The following HMG20A variants were observed in gnomAD, a reference collection of about 807,000 sequenced individuals.
HMG20A encodes the protein high mobility group 20A, also known as high mobility group protein 20A.
Under a neutral mutation model 43.9 loss-of-function variants are expected in HMG20A, and 17 were observed. The observed-to-expected ratio is 0.39, with a 90% CI of 0.27 to 0.58. The LOEUF (loss-of-function observed/expected upper bound fraction) is 0.58. Among genes scored for constraint, HMG20A ranks in the 20% least tolerant of loss-of-function variants. The probability of loss-of-function intolerance (pLI) is 0.59; values close to 1 mark genes in which losing one functional copy is unlikely to be tolerated. For missense variants in HMG20A, 341 were observed against 438.2 expected (o/e 0.78, Z 1.98); for synonymous variants, 132 against 147.5 (o/e 0.89, Z 0.76).
chr15:77,423,966 T>TA (rs1438196972), intron 1 of HMG20A, among the ~76,000 whole-genome samples: 1 of 152,210 alleles, frequency 6.6e-6, no homozygotes, highest in Non-Finnish European at 1.5e-5. Flanking sequence ...AGCAAAAGTT[T>TA]AGAGTGTCTA....
chr15:77,479,073 A>G, intron 8 of HMG20A, 106 bp from the exon 9 acceptor site: 1 of 1,027,612 alleles, frequency 9.7e-7, no homozygotes, highest in Non-Finnish European at 1.5e-6. Context: ...AATTAAAAGC[A>G]TGTCTGTGGA....
chr15:77,422,120 G>A (rs1009332700), intron 1 of HMG20A, among the ~76,000 whole-genome samples: 3 of 152,176 alleles, frequency 2.0e-5, no homozygotes, highest in African/African-American at 7.2e-5. Context: ...ACAATACTTA[G>A]AAGGGTGTGT....
At chr15:77,459,506 AG>A (rs1376264737) in intron 2 of HMG20A, among the ~76,000 whole-genome samples, 2 of 152,324 alleles carry the variant, frequency 1.3e-5, no homozygotes, top group African/African-American at 4.8e-5. Context: ...AGTGGAGAAA[AG>A]GGATAGGAAG....
At chr15:77,422,148 A>G (rs550779548) in intron 1 of HMG20A, among the ~76,000 whole-genome samples, 4 of 152,346 alleles carry the variant, frequency 2.6e-5, no homozygotes, top group African/African-American at 9.6e-5. Flanking sequence ...TATTGAAGGA[A>G]TCAATCTATT....
At chr15:77,478,104 T>A (rs1209369826) in intron 7 of HMG20A, 191 bp from the exon 8 acceptor site, 4 of 599,174 alleles carry the variant, frequency 6.7e-6, no homozygotes, top group Non-Finnish European at 8.9e-6. Context: ...GCTTTAAGAA[T>A]TAAAATAGCT....
At chr15:77,502,149 T>G in the HMG20A span, among the ~76,000 whole-genome samples, 1 of 152,216 alleles carries the variant, frequency 6.6e-6, no homozygotes, top group Non-Finnish European at 1.5e-5. Context: ...CAAATATCAG[T>G]GTCTATAAAT....
intron 1 of HMG20A, among the ~76,000 whole-genome samples, chr15:77,453,319 A>G (rs188681652): frequency 3.9e-5 from 6 of 152,348 alleles, no homozygotes; most frequent in East Asian, 1.9e-4. Flanking sequence ...CACAATATGC[A>G]TAAGAAAAAA....
intron 1 of HMG20A, among the ~76,000 whole-genome samples, chr15:77,453,748 G>A (rs991776000): frequency 1.3e-5 from 2 of 152,144 alleles, no homozygotes; most frequent in African/African-American, 2.4e-5. Context: ...CCATAAAGCA[G>A]AATGAAATTC....
At chr15:77,469,142 C>G (rs2072783848) in intron 4 of HMG20A, among the ~76,000 whole-genome samples, 1 of 151,234 alleles carries the variant, frequency 6.6e-6, no homozygotes. Flanking sequence ...CACACAATGT[C>G]CTTTTGTTTC....
downstream of HMG20A, among the ~76,000 whole-genome samples, chr15:77,489,574 T>C (rs56073412): frequency 3.5e-3 from 526 of 152,292 alleles, 3 homozygotes; most frequent in African/African-American, 0.012. Flanking sequence ...CTCTTCCCCT[T>C]GCTGGGGAAA....
intron 1 of HMG20A, among the ~76,000 whole-genome samples, chr15:77,445,087 T>C (rs892729305): frequency 6.6e-6 from 1 of 152,270 alleles, no homozygotes; most frequent in Non-Finnish European, 1.5e-5. Flanking sequence ...TTTCCATTTA[T>C]TACACTATAG....
At chr15:77,463,078 C>T (rs943786065) in intron 2 of HMG20A, among the ~76,000 whole-genome samples, 1 of 152,096 alleles carries the variant, frequency 6.6e-6, no homozygotes, top group East Asian at 1.9e-4. Context: ...AGCCATTCTG[C>T]CTCTTAAGTA....
At chr15:77,480,211 G>C (rs765571146) in intron 9 of HMG20A, among the ~76,000 whole-genome samples, 2 of 152,150 alleles carry the variant, frequency 1.3e-5, no homozygotes, top group Non-Finnish European at 2.9e-5. Flanking sequence ...AGGATCACTT[G>C]GGCTTAGAAG....
At chr15:77,513,868 G>A in the HMG20A span, among the ~76,000 whole-genome samples, 722 of 152,178 alleles carry the variant, frequency 4.7e-3, 5 homozygotes, top group African/African-American at 0.016. Flanking sequence ...TGGGACTACA[G>A]GCATGCGCCA....
intron 1 of HMG20A, among the ~76,000 whole-genome samples, chr15:77,456,634 C>CAAAAAAAAA (rs34114445): frequency 1.0e-5 from 1 of 95,386 alleles, no homozygotes; most frequent in African/African-American, 4.1e-5. Context: ...GCGAGACTGT[C>CAAAAAAAAA]AAAAAAAAAA....
At chr15:77,454,006 CAA>C (rs34166489) in intron 1 of HMG20A, among the ~76,000 whole-genome samples, 3 of 107,776 alleles carry the variant, frequency 2.8e-5, no homozygotes, top group Admixed American at 9.6e-5. Context: ...CCTATCTCTA[CAA>C]AAAAAAAAAA....
intron 1 of HMG20A, among the ~76,000 whole-genome samples, chr15:77,440,911 G>A (rs1401248058): frequency 6.6e-6 from 1 of 152,114 alleles, no homozygotes; most frequent in East Asian, 1.9e-4. Context: ...CTATAAAATA[G>A]GTGCTAATGA....
the HMG20A span, among the ~76,000 whole-genome samples, chr15:77,509,339 G>A: frequency 0.057 from 8,670 of 151,634 alleles, 355 homozygotes; most frequent in Middle Eastern, 0.12. Context: ...CTGCAGCCTC[G>A]ATCTCTCTGG....
chr15:77,478,603 T>G (rs1218216130), intron 8 of HMG20A, 93 bp downstream of exon 8: 16 of 918,776 alleles, frequency 1.7e-5, no homozygotes, highest in Non-Finnish European at 2.4e-5. Context: ...GTGGAGAGAT[T>G]GAAATCTCCT....
Sources: allele counts gnomAD v4.1 joint callset (sites outside exome capture counted in the v4.1 genomes callset), GRCh38; gene constraint gnomAD v4.1.1; transcripts MANE v1.5; gene names NCBI Gene and HGNC (gene_info 2026-07-23, HGNC 2026-07-21).